Variants in ABR observed in about 807,000 individuals in gnomAD.
ABR encodes the protein active breakpoint cluster region-related protein.
A neutral mutation model predicts 107.2 loss-of-function variants in ABR; 35 were observed. The ratio of observed to expected loss-of-function variants is 0.33; its 90% CI spans 0.25 to 0.43. ABR has a LOEUF of 0.43. Ranked by LOEUF, ABR falls within the 20% of genes least tolerant of loss-of-function variation. ABR has a pLI of 1.00. For synonymous variants in ABR, 498 were observed against 462.0 expected (o/e 1.08, Z -1.00); for missense variants, 815 against 1,115.2 (o/e 0.73, Z 3.83).
At chr17:1,147,378 T>TG (rs398119616) in intron 1 of ABR, among the ~76,000 whole-genome samples, 4 of 151,086 alleles carry the variant, frequency 2.6e-5, no homozygotes, top group Non-Finnish European at 5.9e-5. Context: ...TTTTTTTTTT[T>TG]GACACAGAGT....
In ABR at chr17:1,101,950, G is replaced by C. The variant is rs545493204; in HGVS notation, c.247-1215C>G. On this transcript the variant is annotated intron_variant, in intron 2 of 22. Coordinates refer to ENST00000302538, the MANE Select transcript of ABR (RefSeq NM_021962.5). ...GGATTTCACCGTGTTAGCCAGGATG[G>C]TCTCGATCTCCTGACCTCGTGATCC... Among the ~76,000 whole-genome samples, 4 of 152,086 alleles carry C rather than the reference G, an allele frequency of 2.6e-5. No individual in the cohort carries two copies. In the Middle Eastern group the frequency reaches 0.01, roughly 388 times the overall value.
At chr17:1,162,723 C>T (rs2041353167) in intron 1 of ABR, among the ~76,000 whole-genome samples, 1 of 151,234 alleles carries the variant, frequency 6.6e-6, no homozygotes, top group African/African-American at 2.4e-5. Flanking sequence ...CACCTGTCAT[C>T]CCAGCACTTT....
intron 16 of ABR, chr17:1,031,871 C>T (rs1398743424): frequency 1.7e-6 from 2 of 1,198,474 alleles, no homozygotes; most frequent in Non-Finnish European, 2.1e-6. Context: ...CCTCCCTCCC[C>T]GCGCTCCCCT....
At chr17:1,222,074 C>CT in intron 1 of ABR, among the ~76,000 whole-genome samples, 1 of 144,862 alleles carries the variant, frequency 6.9e-6, no homozygotes, top group East Asian at 2.0e-4. Context: ...AGGATCCCAT[C>CT]TTTTTTTCTG....
chr17:1,139,926 G>A (rs955313709), intron 1 of ABR, among the ~76,000 whole-genome samples: 3 of 152,174 alleles, frequency 2.0e-5, no homozygotes, highest in South Asian at 2.1e-4. Flanking sequence ...GGGGCAGGAC[G>A]CAGGAGGTTG....
In ABR at chr17:1,061,427, C is replaced by A. The variant is rs1229897307; in HGVS notation, c.1183-2560G>T. 2.6e-5 allele frequency among the ~76,000 whole-genome samples: 4 copies of A among 152,230 alleles called. No homozygotes were observed. In the East Asian group the frequency reaches 5.8e-4, roughly 22 times the overall value. ...CTAGGACATCCCCCAGCCCTGAACA[C>A]TCCTGGGGCTGTAATGGTGATCTTG... On this transcript the variant is annotated intron_variant, in intron 10 of 22. Coordinates refer to ENST00000302538, the MANE Select transcript of ABR (RefSeq NM_021962.5).
Position 1,091,853 on chromosome 17 carries a change from G to T in ABR, c.346-3C>A. On this transcript the variant is annotated splice_region_variant and splice_polypyrimidine_tract_variant and intron_variant, in intron 3 of 22. Coordinates refer to ENST00000302538, the MANE Select transcript of ABR (RefSeq NM_021962.5). The stretch of plus-strand genomic sequence containing the variant: ...GTGGCCTTCAGGGGTTTCATGGGCT[G>T]GGAGAAACAGAGGAAGAAAGAGCAG... 1 of 1,611,512 alleles carries T rather than the reference G, an allele frequency of 6.2e-7. No individual in the cohort carries two copies. Among genetic ancestry groups the T allele is most frequent in the Non-Finnish European group, 8.5e-7 (1 of 1,178,644 alleles).
At chr17:1,013,325 G>A (rs1395859399) in intron 16 of ABR, 161 bp from the exon 17 acceptor site, 6 of 747,946 alleles carry the variant, frequency 8.0e-6, no homozygotes, top group East Asian at 5.4e-5. Flanking sequence ...CCTTTGGGGG[G>A]ACCCTAGCCC....
Position 1,007,323 on chromosome 17 carries a change from G to A in ABR, c.2343-11C>T, listed in dbSNP as rs1261232085. 1.2e-6 allele frequency: 2 copies of A among 1,613,932 alleles called. No homozygotes were observed. Among genetic ancestry groups the A allele is most frequent in the South Asian group, 1.1e-5 (1 of 91,076 alleles). On this transcript the variant is annotated splice_polypyrimidine_tract_variant and intron_variant, in intron 21 of 22. Coordinates refer to ENST00000302538, the MANE Select transcript of ABR (RefSeq NM_021962.5). ...TCCTTCTCGGCAACCCTAAGAAGGAGAAGATGGGGAGGAAAGAAGCCCTTC... is the reference window on the plus strand; with the variant it reads ...TCCTTCTCGGCAACCCTAAGAAGGAAAAGATGGGGAGGAAAGAAGCCCTTC...
intron 2 of ABR, among the ~76,000 whole-genome samples, chr17:1,101,932 A>C (rs1445128993): frequency 6.6e-6 from 1 of 151,918 alleles, no homozygotes; most frequent in Non-Finnish European, 1.5e-5. Context: ...CCGGGATTTC[A>C]CCGTGTTAGC....
chr17:1,085,766 C>T (rs921546644), intron 4 of ABR, among the ~76,000 whole-genome samples: 1 of 152,156 alleles, frequency 6.6e-6, no homozygotes, highest in African/African-American at 2.4e-5. Context: ...ATACTGATTA[C>T]ATGTTCAAAT....
intron 10 of ABR, among the ~76,000 whole-genome samples, chr17:1,066,221 T>G (rs578058722): frequency 6.6e-6 from 1 of 152,314 alleles, no homozygotes; most frequent in Admixed American, 6.5e-5. Context: ...TCCACTGTGG[T>G]CTGTGAACAT....
intron 10 of ABR, among the ~76,000 whole-genome samples, chr17:1,064,657 T>C (rs2034490443): frequency 7.8e-6 from 1 of 128,982 alleles, no homozygotes; most frequent in African/African-American, 2.9e-5. Context: ...TGCATGTTCC[T>C]CTAGACACTG....
At chr17:1,205,241 CT>C (rs1216612710) in intron 1 of ABR, among the ~76,000 whole-genome samples, 1 of 152,144 alleles carries the variant, frequency 6.6e-6, no homozygotes, top group Non-Finnish European at 1.5e-5. Context: ...GCTCTGGGCC[CT>C]TTGGCACATT....
chr17:1,031,492 G>C, intron 16 of ABR: 1 of 752,878 alleles, frequency 1.3e-6, no homozygotes. Context: ...ACTCCACGGA[G>C]GGGGCGGGAG....
chr17:1,213,921 C>G (rs2042950835), intron 1 of ABR, among the ~76,000 whole-genome samples: 1 of 151,306 alleles, frequency 6.6e-6, no homozygotes, highest in African/African-American at 2.4e-5. Flanking sequence ...CGAGTCTCGC[C>G]CTATCGCCCA....
At chr17:1,160,282 CCACA>C (rs112524650) in intron 1 of ABR, among the ~76,000 whole-genome samples, 61,052 of 148,604 alleles carry the variant, frequency 0.41, 12,735 homozygotes, top group East Asian at 0.51. Context: ...CAAAAAAAAA[CCACA>C]CACACACACA....
rs1370518001 is a variant in ABR at position 1,076,721 on chromosome 17, GGTGGGGGT to G, written c.700+2601_700+2608del. On this transcript the variant is annotated intron_variant, in intron 6 of 22. Transcript: ENST00000302538. ...GCCAGGAGGGCAGGTGCACGGGGGG[GGTGGGGGT>G]GGGGGGGGTGGCGGCACTGGGACCA... is the stretch of plus-strand genomic sequence containing the variant. 2.2e-3 allele frequency among the ~76,000 whole-genome samples: 93 copies of G among 42,058 alleles called. 4 individuals are homozygous for G. The highest frequency in any genetic ancestry group is 0.011 in the Admixed American group (56 of 5,040). The allele number at this position is 42,058 out of a possible 152,430, so 27.6% of individuals were successfully genotyped here.
chr17:1,169,593 C>T lies in ABR; in HGVS notation c.61+10074G>A, dbSNP rs116339064. On this transcript the variant is annotated intron_variant, in intron 1 of 22. Transcript: ENST00000302538. ...GGCCTTCCCCAGGGGCTGACCTCTC[C>T]GTGGGGGACTCTCTGGGCTCGAGGG... Among the ~76,000 whole-genome samples the T allele has an allele frequency of 7.3e-3, 1,112 of 152,242 alleles. 13 individuals are homozygous for T. Among genetic ancestry groups the T allele is most frequent in the African/African-American group, 0.024 (1,010 of 41,520 alleles).
Sources: allele counts gnomAD v4.1 joint callset (sites outside exome capture counted in the v4.1 genomes callset), GRCh38; gene constraint gnomAD v4.1.1; transcripts MANE v1.5; gene names NCBI Gene and HGNC (gene_info 2026-07-23, HGNC 2026-07-21).